The following KALRN variants were observed in gnomAD, a reference collection of about 807,000 sequenced individuals.
KALRN encodes the protein kalirin RhoGEF kinase.
In KALRN, 70 loss-of-function variants were observed where a neutral mutation model predicts 353.7. The observed-to-expected ratio is 0.20, with a 90% CI of 0.16 to 0.24. The LOEUF (loss-of-function observed/expected upper bound fraction) is 0.24, where lower values mean the gene tolerates loss of function less well. KALRN is among the 10% of genes least tolerant of loss of function. The pLI, the probability that KALRN is intolerant of heterozygous loss-of-function variation, is 1.00. For missense variants in KALRN, 2,791 were observed against 3,756.7 expected (o/e 0.74, Z 6.72); for synonymous variants, 1,391 against 1,434.8 (o/e 0.97, Z 0.69).
At chr3:124,569,087 C>A (rs112610397) in intron 34 of KALRN, among the ~76,000 whole-genome samples, 7 of 152,278 alleles carry the variant, frequency 4.6e-5, no homozygotes, top group South Asian at 2.1e-4. Flanking sequence ...TTTTCCTGTG[C>A]ACTTTCTTCC....
At chr3:124,059,466 A>G (rs1477577683) in intron 1 of KALRN, among the ~76,000 whole-genome samples, 3 of 152,184 alleles carry the variant, frequency 2.0e-5, no homozygotes, top group Non-Finnish European at 4.4e-5. Context: ...GTTATTAACT[A>G]TAGTCACCAT....
chr3:124,168,294 T>G (rs756936572), intron 1 of KALRN, among the ~76,000 whole-genome samples: 39 of 152,252 alleles, frequency 2.6e-4, no homozygotes, highest in Non-Finnish European at 4.9e-4. Context: ...AAAGGCCACT[T>G]GCTCCTGGAC....
chr3:124,559,674 C>A (rs779700086), intron 33 of KALRN, among the ~76,000 whole-genome samples: 8 of 152,204 alleles, frequency 5.3e-5, no homozygotes, highest in Non-Finnish European at 4.4e-5. Flanking sequence ...TAACTTTGGT[C>A]TTAGAATCTT....
At chr3:124,642,806 G>GTTTTTTTGTTGTTGTTGTTTTTTT (rs1553707032) in intron 37 of KALRN, among the ~76,000 whole-genome samples, 9,845 of 95,356 alleles carry the variant, frequency 0.1, 992 homozygotes, top group East Asian at 0.18. Context: ...CCCAAGCCTC[G>GTTTTTTTGTTGTTGTTGTTTTTTT]TTTTTTTTTT....
chr3:124,282,338 T>A (rs1247660000), intron 5 of KALRN, among the ~76,000 whole-genome samples: 3 of 152,050 alleles, frequency 2.0e-5, no homozygotes, highest in Non-Finnish European at 2.9e-5. Context: ...AAAAACATTA[T>A]CATGTGTTAG....
rs10673161 is a variant in KALRN at position 124,646,391 on chromosome 3, C to CTTTTTTTTTTTTTTT, written c.5665-4414_5665-4400dup. On this transcript the variant is annotated intron_variant, in intron 37 of 59. Coordinates refer to ENST00000682506, the MANE Select transcript of KALRN (RefSeq NM_001388419.1). ...GACTGCTAGAGGGATCTTTTGTTTA[C>CTTTTTTTTTTTTTTT]TTTTTTTTTTTTTTTTTGAGACAGA... 6.1e-4 allele frequency among the ~76,000 whole-genome samples: 67 copies of CTTTTTTTTTTTTTTT among 110,430 alleles called. 2 individuals are homozygous for CTTTTTTTTTTTTTTT. The highest frequency in any genetic ancestry group is 1.7e-3 in the African/African-American group (50 of 29,620). 72.4% of individuals were successfully genotyped at this position (110,430 alleles called of 152,430 possible).
At chr3:124,330,762 GAGA>G (rs748337783) in intron 8 of KALRN, among the ~76,000 whole-genome samples, 3 of 152,216 alleles carry the variant, frequency 2.0e-5, no homozygotes, top group Admixed American at 1.3e-4. Context: ...GCTGGATGAG[GAGA>G]AGAAGTGAAT....
chr3:124,307,368 ATCC>A (rs1351069771), intron 6 of KALRN, among the ~76,000 whole-genome samples: 1 of 152,098 alleles, frequency 6.6e-6, no homozygotes, highest in Non-Finnish European at 1.5e-5. Context: ...ATATATAGTA[ATCC>A]TCCTTTTTTG....
chr3:124,567,450 G>C (rs1269352640), intron 34 of KALRN, among the ~76,000 whole-genome samples: 1 of 152,182 alleles, frequency 6.6e-6, no homozygotes, highest in Non-Finnish European at 1.5e-5. Context: ...AAGTCTTGGT[G>C]TCATTCATGA....
intron 33 of KALRN, among the ~76,000 whole-genome samples, chr3:124,549,348 CAT>C (rs1484024389): frequency 1.4e-5 from 2 of 141,592 alleles, no homozygotes; most frequent in East Asian, 4.7e-4. Context: ...CACACACACA[CAT>C]AATCACACAC....
At chr3:124,330,853 C>A (rs186736409) in intron 8 of KALRN, among the ~76,000 whole-genome samples, 174 of 152,250 alleles carry the variant, frequency 1.1e-3, no homozygotes, top group Non-Finnish European at 2.1e-3. Flanking sequence ...CCACCTGCAT[C>A]GGACTCACCT....
chr3:124,234,200 A>G lies in KALRN; in HGVS notation c.149-629A>G, dbSNP rs1483555514. Among the ~76,000 whole-genome samples, 3 of 152,346 alleles carry G rather than the reference A, an allele frequency of 2.0e-5. No individual in the cohort carries two copies. The East Asian group carries it at 5.8e-4, about 29-fold the overall frequency. On this transcript the variant is annotated intron_variant, in intron 2 of 59. Transcript: ENST00000682506. ...AAGACCTTGAGCATTCTGATTTCTG[A>G]TAAGATTCATGTGCTCCTCTAGCAG... is the stretch of plus-strand genomic sequence containing the variant.
intron 1 of KALRN, among the ~76,000 whole-genome samples, chr3:124,223,076 C>A (rs1394563249): frequency 1.3e-5 from 2 of 149,850 alleles, no homozygotes; most frequent in African/African-American, 4.9e-5. Context: ...AGTCTCCTTG[C>A]ATTTTGTACA....
intron 34 of KALRN, among the ~76,000 whole-genome samples, chr3:124,581,505 C>T (rs1275387933): frequency 6.6e-6 from 1 of 152,042 alleles, no homozygotes; most frequent in Non-Finnish European, 1.5e-5. Flanking sequence ...GGGTCTTTCT[C>T]AAACATGTAA....
chr3:124,719,906 C>A lies in KALRN; in HGVS notation c.*436C>A. On this transcript the variant is annotated 3_prime_UTR_variant, in exon 60 of 60. Coordinates refer to ENST00000682506, the MANE Select transcript of KALRN (RefSeq NM_001388419.1). This position sits in a 1 kb window ranked among gnomAD's most constrained non-coding sequence, Gnocchi z 5.3. ...ATATCAACTATTCTGGTTTAGATAA[C>A]TTAGATATAGTTTCTTAATAGGATA... The A allele has an allele frequency of 5.9e-6, 1 of 170,592 alleles. No individual in the cohort carries two copies. The highest frequency in any genetic ancestry group is 1.3e-5 in the Non-Finnish European group (1 of 78,042). The allele number at this position is 170,592 out of a possible 1,614,324, so 10.6% of individuals were successfully genotyped here. A position where few individuals can be genotyped will look rare whatever the true frequency, so the allele number is the denominator to read the frequency against.
chr3:124,503,055 G>A (rs1298336875), intron 33 of KALRN, among the ~76,000 whole-genome samples: 1 of 152,114 alleles, frequency 6.6e-6, no homozygotes, highest in Non-Finnish European at 1.5e-5. Context: ...GGAAAAATGG[G>A]ATAGGTCTCT....
intron 6 of KALRN, among the ~76,000 whole-genome samples, chr3:124,302,870 T>G (rs548921481): frequency 6.6e-6 from 1 of 152,296 alleles, no homozygotes; most frequent in Admixed American, 6.5e-5. Flanking sequence ...TGTCTTAACC[T>G]CCTCTTTTTA....
chr3:124,389,602 T>G (rs2089003623), intron 11 of KALRN, among the ~76,000 whole-genome samples: 2 of 152,224 alleles, frequency 1.3e-5, no homozygotes, highest in African/African-American at 4.8e-5. Context: ...ATTGGGTGAT[T>G]TCGTTAAACA....
At chr3:124,685,981 AGTCAG>A (rs1480788759) in intron 51 of KALRN, among the ~76,000 whole-genome samples, 60 of 151,812 alleles carry the variant, frequency 4.0e-4, no homozygotes, top group African/African-American at 1.3e-3. Flanking sequence ...GTGAGTTCCT[AGTCAG>A]TTCAATTTCA....
Sources: gnomAD v4.1 joint callset for allele counts (sites outside exome capture counted in the v4.1 genomes callset) on GRCh38, gnomAD v4.1.1 for gene constraint, Gnocchi (gnomAD v3.1) non-coding constraint, MANE v1.5 for transcripts, NCBI Gene and HGNC (gene_info 2026-07-23, HGNC 2026-07-21) for gene names.